Variants in MYO5B observed in about 807,000 individuals in gnomAD.
The protein encoded by MYO5B is myosin VB, also known as unconventional myosin-Vb.
In MYO5B, 143 loss-of-function variants were observed where a neutral mutation model predicts 229.3. The ratio of observed to expected loss-of-function variants is 0.62; its 90% confidence interval spans 0.54 to 0.72. The LOEUF (loss-of-function observed/expected upper bound fraction) is 0.72. Ranked by LOEUF, MYO5B falls within the 30% of genes least tolerant of loss-of-function variation. The pLI is 0.00. For synonymous variants in MYO5B, 918 were observed against 885.2 expected (o/e 1.04, Z -0.66); for missense variants, 2,321 against 2,331.0 (o/e 1.00, Z 0.09).
chr18:50,025,344 G>T (rs147909417), intron 4 of MYO5B, among the ~76,000 whole-genome samples: 1 of 152,208 alleles, frequency 6.6e-6, no homozygotes, highest in African/African-American at 2.4e-5. Context: ...TCCACATCCC[G>T]ATGATTTCAT....
chr18:50,106,992 TA>T (rs1414359750), intron 1 of MYO5B, among the ~76,000 whole-genome samples: 2 of 151,414 alleles, frequency 1.3e-5, no homozygotes, highest in African/African-American at 2.4e-5. Flanking sequence ...CATCTTGGCC[TA>T]AACAGCCAGA....
chr18:49,832,654 T>G (rs1461028256), intron 39 of MYO5B, among the ~76,000 whole-genome samples: 1 of 152,178 alleles, frequency 6.6e-6, no homozygotes, highest in African/African-American at 2.4e-5. Flanking sequence ...TGCCCACGTT[T>G]TCATCCATTA....
chr18:50,033,357 G>A lies in MYO5B; in HGVS notation c.455+3493C>T, dbSNP rs75475445. Among the ~76,000 whole-genome samples the A allele has an allele frequency of 5.3e-3, 806 of 152,066 alleles. 19 individuals carry two copies. In the East Asian group the frequency reaches 0.085, roughly 16 times the overall value. ...ACCCAGCTAAAATCCTAGTTTTCTCGGACGATCTGTGACATTAGGTCTCCA... is the reference window on the plus strand; with the variant it reads ...ACCCAGCTAAAATCCTAGTTTTCTCAGACGATCTGTGACATTAGGTCTCCA... On this transcript the variant is annotated intron_variant, in intron 4 of 39. Coordinates refer to ENST00000285039, the MANE Select transcript of MYO5B (RefSeq NM_001080467.3).
At chr18:49,894,391 C>G (rs2024753240) in intron 22 of MYO5B, among the ~76,000 whole-genome samples, 1 of 152,122 alleles carries the variant, frequency 6.6e-6, no homozygotes, top group African/African-American at 2.4e-5. Context: ...GGCAGTGGAG[C>G]AGGGAATCTC....
intron 4 of MYO5B, among the ~76,000 whole-genome samples, chr18:50,035,320 G>A (rs1402166228): frequency 6.6e-6 from 1 of 152,204 alleles, no homozygotes; most frequent in East Asian, 1.9e-4. Flanking sequence ...ACAAGTCTTA[G>A]AGCGCTGTCA....
intron 7 of MYO5B, among the ~76,000 whole-genome samples, chr18:49,986,233 C>G (rs551810346): frequency 1.3e-5 from 2 of 152,306 alleles, no homozygotes; most frequent in East Asian, 3.9e-4. Flanking sequence ...CTGTCCACGC[C>G]TTCAGTGGTC....
At chr18:50,164,954 G>A (rs1349461664) in intron 1 of MYO5B, among the ~76,000 whole-genome samples, 1 of 152,190 alleles carries the variant, frequency 6.6e-6, no homozygotes, top group African/African-American at 2.4e-5. Flanking sequence ...AGATCACTTT[G>A]TGGAGGTCCC....
At chr18:49,991,738 G>A (rs1358740051) in intron 6 of MYO5B, among the ~76,000 whole-genome samples, 1 of 152,126 alleles carries the variant, frequency 6.6e-6, no homozygotes, top group Non-Finnish European at 1.5e-5. Context: ...ATGAGGTGAT[G>A]GGTGCAGCAA....
intron 1 of MYO5B, among the ~76,000 whole-genome samples, chr18:50,164,183 G>A (rs1430971165): frequency 2.6e-5 from 4 of 152,164 alleles, no homozygotes. Flanking sequence ...CAGGAGACTC[G>A]CTACTCCAAC....
Position 49,974,418 on chromosome 18 carries a change from C to A in MYO5B, c.1254G>T (p.Glu418Asp), listed in dbSNP as rs145905243. The change falls in exon 10 of 40, where the codon GAG becomes GAT. Residue 418 changes from glutamate (E) to aspartate (D), a missense_variant. Glu to Asp is a conservative substitution (Grantham distance 45). This residue lies in a region of MYO5B where 2,113 missense variants were observed against 2,044.7 expected (regional missense o/e 1.03). Coordinates refer to ENST00000285039, the MANE Select transcript of MYO5B (RefSeq NM_001080467.3). ...IYAQLFGWIV[E>D]HINKALHTSL... ...AGGTGTGCAGGGCCTTGTTGATGTG[C>A]TCCACAATCCAGCCGAACAACTGGG... The A allele has an allele frequency of 6.2e-7, 1 of 1,614,170 alleles. No individual in the cohort carries two copies. The highest frequency in any genetic ancestry group is 2.2e-5 in the East Asian group (1 of 44,874).
chr18:49,943,706 T>C (rs1370704162), intron 14 of MYO5B, among the ~76,000 whole-genome samples: 5 of 152,228 alleles, frequency 3.3e-5, no homozygotes, highest in Non-Finnish European at 7.3e-5. Flanking sequence ...AAAAGTGTTA[T>C]AGAAGAAGCC....
chr18:49,937,272 CTTG>C lies in MYO5B; in HGVS notation c.1875_1877del (p.Asn625del), dbSNP rs748129209. 1 of 1,614,134 alleles carries C rather than the reference CTTG, an allele frequency of 6.2e-7. No homozygotes were observed. The highest frequency in any genetic ancestry group is 1.1e-5 in the South Asian group (1 of 91,074). ...GGTGGCCAACGGTTTTCTTGTGCTC[CTTG>C]TTGGAGACTTTCATGGGGGGTCTGG... is the stretch of plus-strand genomic sequence containing the variant. On this transcript the variant is annotated inframe_deletion, in exon 15 of 40. Transcript: ENST00000285039.
At chr18:49,835,169 C>T (rs144445558) in intron 39 of MYO5B, among the ~76,000 whole-genome samples, 175 bp downstream of exon 39, 2 of 152,216 alleles carry the variant, frequency 1.3e-5, no homozygotes, top group East Asian at 1.9e-4. Flanking sequence ...CAGTAAGTTA[C>T]TCATGGGTGA....
intron 39 of MYO5B, among the ~76,000 whole-genome samples, chr18:49,826,951 G>GTT (rs112786334): frequency 1.4e-5 from 2 of 147,424 alleles, no homozygotes; most frequent in Admixed American, 6.7e-5. Context: ...AAGGGCATGG[G>GTT]TTTTTTTTTT....
intron 14 of MYO5B, among the ~76,000 whole-genome samples, chr18:49,941,100 C>A (rs150600954): frequency 1.3e-5 from 2 of 152,312 alleles, no homozygotes; most frequent in African/African-American, 4.8e-5. Context: ...TTCATGTGCA[C>A]CTACATGGAC....
At chr18:50,106,544 C>G (rs1309021540) in intron 1 of MYO5B, among the ~76,000 whole-genome samples, 1 of 152,176 alleles carries the variant, frequency 6.6e-6, no homozygotes, top group Non-Finnish European at 1.5e-5. Flanking sequence ...ATGCTTCATG[C>G]TCTTATTGCT....
chr18:50,084,734 G>C, intron 1 of MYO5B, among the ~76,000 whole-genome samples: 1 of 152,170 alleles, frequency 6.6e-6, no homozygotes, highest in East Asian at 1.9e-4. Context: ...CAATGGAACA[G>C]AACACAGCCC....
At chr18:50,153,101 C>A (rs1356297939) in intron 1 of MYO5B, among the ~76,000 whole-genome samples, 1 of 152,140 alleles carries the variant, frequency 6.6e-6, no homozygotes, top group African/African-American at 2.4e-5. Context: ...CCAGGTAGAT[C>A]TTTCCCAAGA....
intron 4 of MYO5B, among the ~76,000 whole-genome samples, chr18:50,032,935 C>A (rs1374273246): frequency 1.3e-5 from 2 of 151,486 alleles, no homozygotes; most frequent in Non-Finnish European, 2.9e-5. Context: ...TGCAGTGAGC[C>A]AAGATTGCAC....
Sources: allele counts gnomAD v4.1 joint callset (sites outside exome capture counted in the v4.1 genomes callset), GRCh38; gene constraint gnomAD v4.1.1; regional missense constraint gnomAD v4.1.1; transcripts MANE v1.5; gene names NCBI Gene and HGNC (gene_info 2026-07-23, HGNC 2026-07-21).